Variants in DENND2B observed in about 807,000 individuals in gnomAD.
DENND2B encodes the protein DENN domain-containing protein 2B.
A neutral mutation model predicts 116.0 loss-of-function variants in DENND2B; 32 were observed. The observed-to-expected ratio is 0.28, with a 90% CI of 0.21 to 0.37. DENND2B has a LOEUF of 0.37. DENND2B is among the 10% of genes least tolerant of loss of function. The probability of loss-of-function intolerance (pLI) is 1.00; values close to 1 mark genes in which losing one functional copy is unlikely to be tolerated. For missense variants in DENND2B, 1,276 were observed against 1,477.7 expected (o/e 0.86, Z 2.24); for synonymous variants, 588 against 583.9 (o/e 1.01, Z -0.10).
intron 17 of DENND2B, among the ~76,000 whole-genome samples, 189 bp downstream of exon 17, chr11:8,697,336 G>A (rs2040545045): frequency 6.6e-6 from 1 of 152,262 alleles, no homozygotes; most frequent in Non-Finnish European, 1.5e-5. Context: ...GTATCTTTGG[G>A]GTTGCCACAT....
intron 4 of DENND2B, among the ~76,000 whole-genome samples, chr11:8,836,276 A>G (rs1183481263): frequency 6.6e-6 from 1 of 152,090 alleles, no homozygotes; most frequent in African/African-American, 2.4e-5. Flanking sequence ...CTGCCCAGAA[A>G]TATTCTACTT....
intron 4 of DENND2B, among the ~76,000 whole-genome samples, chr11:8,829,648 G>T (rs2062125896): frequency 6.6e-6 from 1 of 152,092 alleles, no homozygotes; most frequent in Admixed American, 6.5e-5. Flanking sequence ...ATGTTATCCA[G>T]CCAGACGGAC....
upstream of DENND2B, among the ~76,000 whole-genome samples, chr11:8,871,751 A>C (rs1835790): frequency 0.84 from 127,777 of 152,104 alleles, 56,575 homozygotes; most frequent in Non-Finnish European, 0.96. Context: ...GTTTGCAAAA[A>C]CAAAAACTAG....
chr11:8,864,807 T>G (rs1011764527), intron 2 of DENND2B, among the ~76,000 whole-genome samples: 31 of 152,294 alleles, frequency 2.0e-4, no homozygotes, highest in Admixed American at 2.0e-3. Context: ...TGACTCTGAT[T>G]AAAGGCACTT....
At chr11:8,839,668 G>C (rs184187265) in intron 3 of DENND2B, among the ~76,000 whole-genome samples, 1 of 152,312 alleles carries the variant, frequency 6.6e-6, no homozygotes, top group Admixed American at 6.5e-5. Flanking sequence ...ACAGAGTGGG[G>C]AAGAGGGAAG....
intron 2 of DENND2B, among the ~76,000 whole-genome samples, chr11:8,868,799 CT>C (rs2063672966): frequency 6.6e-6 from 1 of 152,208 alleles, no homozygotes; most frequent in Non-Finnish European, 1.5e-5. Context: ...CAGAAGCATA[CT>C]TTGCTTCAAG....
rs2042776564 is a variant in DENND2B at position 8,707,331 on chromosome 11, A to G, written c.2431-106T>C. On this transcript the variant is annotated intron_variant, in intron 12 of 19. Transcript: ENST00000313726. The surrounding 1 kb of genome is among the most constrained non-coding windows in gnomAD (Gnocchi z 4.8). ...AAGCATCTGACCAGGCTAGCCCAGA[A>G]GCTGGGAGACGGGAAGGTGGTCTTG... The G allele has an allele frequency of 1.4e-6, 2 of 1,442,368 alleles. No homozygotes were observed. The highest frequency in any genetic ancestry group is 2.3e-5 in the Admixed American group (1 of 42,706). 89.3% of individuals were successfully genotyped at this position (1,442,368 alleles called of 1,614,324 possible).
intron 3 of DENND2B, among the ~76,000 whole-genome samples, chr11:8,850,146 C>A (rs762259443): frequency 1.3e-5 from 2 of 151,980 alleles, no homozygotes; most frequent in Non-Finnish European, 2.9e-5. Flanking sequence ...CACACACACA[C>A]AAAAACTGAT....
At chr11:8,877,161 T>C (rs1165284683) in intron 2 of DENND2B, among the ~76,000 whole-genome samples, 1 of 139,390 alleles carries the variant, frequency 7.2e-6, no homozygotes, top group Non-Finnish European at 1.5e-5. Context: ...TGGAGTGCAG[T>C]GGTGCGATCT....
At chr11:8,718,323 T>C in intron 4 of DENND2B, 1 of 1,516,498 alleles carries the variant, frequency 6.6e-7, no homozygotes, top group Non-Finnish European at 8.9e-7. Context: ...GGCTGTCCCT[T>C]CACCCAACTC....
At chr11:8,792,228 A>G (rs558944760) in intron 1 of DENND2B, among the ~76,000 whole-genome samples, 2 of 152,278 alleles carry the variant, frequency 1.3e-5, no homozygotes, top group Middle Eastern at 6.8e-3. Context: ...CAAATAAAGA[A>G]AATTTAGTTA....
At position 8,707,054 on chromosome 11, in the gene DENND2B, GC is replaced by G. The variant is rs1405060608; in HGVS notation, c.2571+30del. 6.3e-7 allele frequency: 1 copy of G among 1,598,666 alleles called. No individual in the cohort carries two copies. Among genetic ancestry groups the G allele is most frequent in the African/African-American group, 1.3e-5 (1 of 74,746 alleles). On this transcript the variant is annotated intron_variant, in intron 13 of 19. Transcript: ENST00000313726. This position sits in a 1 kb window ranked among gnomAD's most constrained non-coding sequence, Gnocchi z 4.8. ...GGTCCTCCTGCCACCCCAGCCCGTA[GC>G]CCGAGAGAAGAGGGTGCAGAAATCC...
chr11:8,751,388 G>C (rs991307571), intron 1 of DENND2B, among the ~76,000 whole-genome samples: 1 of 152,128 alleles, frequency 6.6e-6, no homozygotes, highest in Non-Finnish European at 1.5e-5. Flanking sequence ...ATAAAAGCAG[G>C]CTGCCCAAGC....
chr11:8,768,518 C>T (rs2056299521), intron 1 of DENND2B, among the ~76,000 whole-genome samples: 1 of 152,106 alleles, frequency 6.6e-6, no homozygotes, highest in Admixed American at 6.6e-5. Flanking sequence ...ACTGGCATTA[C>T]AGGTATGAGC....
chr11:8,811,975 G>A (rs2061397652), upstream of DENND2B, among the ~76,000 whole-genome samples: 2 of 151,978 alleles, frequency 1.3e-5, no homozygotes, highest in Non-Finnish European at 1.5e-5. Flanking sequence ...CTGGCTTCAC[G>A]CAATCCTCCT....
chr11:8,793,902 T>C (rs534718603), intron 1 of DENND2B, among the ~76,000 whole-genome samples: 1 of 152,260 alleles, frequency 6.6e-6, no homozygotes, highest in East Asian at 1.9e-4. Context: ...GCATAAACTT[T>C]TCGTGTAAAA....
At position 8,707,028 on chromosome 11, in the gene DENND2B, T is replaced by C. The variant is rs1053322846; in HGVS notation, c.2571+57A>G. Reference sequence around the variant, plus strand: ...CCAAAGACTACGACCTTGGCCAGCATGGTCCTCCTGCCACCCCAGCCCGTA... The same window carrying C: ...CCAAAGACTACGACCTTGGCCAGCACGGTCCTCCTGCCACCCCAGCCCGTA... On this transcript the variant is annotated intron_variant, in intron 13 of 19. Coordinates refer to ENST00000313726, the MANE Select transcript of DENND2B (RefSeq NM_213618.2). The surrounding 1 kb of genome is among the most constrained non-coding windows in gnomAD (Gnocchi z 4.8). The C allele has an allele frequency of 6.4e-7, 1 of 1,572,708 alleles. No homozygotes were observed. The highest frequency in any genetic ancestry group is 2.3e-5 in the East Asian group (1 of 44,378).
At chr11:8,699,509 G>T in intron 14 of DENND2B, 119 bp from the exon 15 acceptor site, 1 of 1,010,064 alleles carries the variant, frequency 9.9e-7, no homozygotes, top group Non-Finnish European at 1.4e-6. Context: ...TGCTAATGGG[G>T]TTCAGGGACC....
intron 4 of DENND2B, among the ~76,000 whole-genome samples, chr11:8,826,452 C>T (rs971429569): frequency 1.6e-4 from 25 of 152,188 alleles, no homozygotes; most frequent in African/African-American, 5.8e-4. Context: ...AATGCTGTAA[C>T]CGAAACATTA....
Sources: allele counts gnomAD v4.1 joint callset (sites outside exome capture counted in the v4.1 genomes callset), GRCh38; gene constraint gnomAD v4.1.1; non-coding constraint Gnocchi (gnomAD v3.1); transcripts MANE v1.5; gene names NCBI Gene and HGNC (gene_info 2026-07-23, HGNC 2026-07-21).